Variants in LARP1B observed in about 807,000 individuals in gnomAD.
The protein encoded by LARP1B is la-related protein 1B.
LARP1B carries 76 observed loss-of-function variants against 114.2 expected under a neutral mutation model. The observed-to-expected ratio is 0.67, with a 90% CI of 0.55 to 0.81. The LOEUF is 0.81. LARP1B is among the 30% of genes least tolerant of loss of function. The pLI is 0.00. For missense variants in LARP1B, 1,014 were observed against 1,075.8 expected, an observed-to-expected ratio of 0.94 and a Z score of 0.80; for synonymous variants, 345 against 348.0, an observed-to-expected ratio of 0.99 and a Z score of 0.10.
chr4:128,083,231 C>T (rs1467141874), intron 5 of LARP1B, among the ~76,000 whole-genome samples: 5 of 152,176 alleles, frequency 3.3e-5, no homozygotes, highest in Admixed American at 6.5e-5. Context: ...CACACAGACA[C>T]GGCAACCATC....
chr4:128,068,960 A>C, intron 1 of LARP1B: 1 of 600,256 alleles, frequency 1.7e-6, no homozygotes, highest in Non-Finnish European at 2.9e-6. Flanking sequence ...CTGTAAGCAG[A>C]CATGATTGTC....
chr4:128,147,261 C>T (rs967919236), intron 11 of LARP1B, among the ~76,000 whole-genome samples: 42 of 152,162 alleles, frequency 2.8e-4, no homozygotes, highest in Admixed American at 5.9e-4. Flanking sequence ...CTTTCTTGCC[C>T]TTTTTCTAAG....
chr4:128,064,010 G>A (rs1302582272), intron 1 of LARP1B, among the ~76,000 whole-genome samples: 4 of 152,012 alleles, frequency 2.6e-5, no homozygotes, highest in African/African-American at 7.2e-5. Context: ...GGTGGCACAC[G>A]CCTGTAATCC....
chr4:128,158,435 ATGAT>A (rs1736850504), intron 11 of LARP1B, among the ~76,000 whole-genome samples: 2 of 152,338 alleles, frequency 1.3e-5, no homozygotes, highest in African/African-American at 4.8e-5. Context: ...AATGAAGGAA[ATGAT>A]TGATAAATTG....
At chr4:128,169,603 A>G (rs778331067) in intron 12 of LARP1B, among the ~76,000 whole-genome samples, 2 of 151,838 alleles carry the variant, frequency 1.3e-5, no homozygotes, top group Non-Finnish European at 2.9e-5. Context: ...TTCTCTCTCT[A>G]TCTCTATTTC....
At position 128,162,237 on chromosome 4, in the gene LARP1B, A is replaced by C; in HGVS notation, c.1568A>C (p.Glu523Ala). The C allele has an allele frequency of 6.2e-7, 1 of 1,612,800 alleles. No homozygotes were observed. The highest frequency in any genetic ancestry group is 8.5e-7 in the Non-Finnish European group (1 of 1,179,018). The change falls in exon 12 of 20, where the codon GAG (glutamate) becomes GCG (alanine). Residue 523 changes from glutamate to alanine, a missense_variant. Glu to Ala is a moderately radical substitution (Grantham distance 107). Coordinates refer to ENST00000326639, the MANE Select transcript of LARP1B (RefSeq NM_018078.4). ...AAGAAGCTAAATCTCATTAGTAAAG[A>C]GCAGTTTGAAAACCTAACACCTGAA... ...NFKKLNLISK[E>A]QFENLTPELP...
At chr4:128,195,452 T>C (rs1753765951) in intron 15 of LARP1B, among the ~76,000 whole-genome samples, 1 of 152,180 alleles carries the variant, frequency 6.6e-6, no homozygotes, top group Non-Finnish European at 1.5e-5. Context: ...GCCAGTAAGG[T>C]ATATTTATTC....
chr4:128,115,019 C>T (rs919241286), intron 10 of LARP1B, among the ~76,000 whole-genome samples: 1 of 151,970 alleles, frequency 6.6e-6, no homozygotes, highest in Non-Finnish European at 1.5e-5. Context: ...CTCACTGCCA[C>T]CTCTGCCTCC....
downstream of LARP1B, among the ~76,000 whole-genome samples, chr4:128,212,866 ATCTT>A (rs1303255914): frequency 1.3e-5 from 2 of 150,888 alleles, no homozygotes; most frequent in Non-Finnish European, 2.9e-5. Flanking sequence ...ATTATGATAA[ATCTT>A]TCTCTTTAGA....
chr4:128,083,346 G>A (rs1191718211), intron 5 of LARP1B, among the ~76,000 whole-genome samples: 90 of 152,168 alleles, frequency 5.9e-4, no homozygotes, highest in African/African-American at 2.0e-3. Flanking sequence ...CCTCCCAGAC[G>A]GGGTGGTGGC....
chr4:128,155,142 A>C (rs1734875425), intron 11 of LARP1B, among the ~76,000 whole-genome samples: 1 of 152,176 alleles, frequency 6.6e-6, no homozygotes, highest in Admixed American at 6.5e-5. Flanking sequence ...GCAAGGTATA[A>C]ATTTATTAAA....
intron 15 of LARP1B, among the ~76,000 whole-genome samples, chr4:128,191,762 C>T (rs1752369615): frequency 6.6e-6 from 1 of 151,946 alleles, no homozygotes; most frequent in Non-Finnish European, 1.5e-5. Flanking sequence ...TTTTTTCTCC[C>T]TGCTAGCCCT....
At chr4:128,098,620 T>C (rs1003713356) in intron 8 of LARP1B, among the ~76,000 whole-genome samples, 5 of 150,594 alleles carry the variant, frequency 3.3e-5, no homozygotes, top group African/African-American at 1.2e-4. Context: ...TGAACACCCT[T>C]GGTCCTTAAA....
Position 128,156,175 on chromosome 4 carries a change from C to T in LARP1B, c.1525-6019C>T. ...CAGCGGAGACCCATCCTCTGACCCCCTTGGCTCTCCAACCCTCCTCGCTTT... is the reference window on the plus strand; with the variant it reads ...CAGCGGAGACCCATCCTCTGACCCCTTTGGCTCTCCAACCCTCCTCGCTTT... On this transcript the variant is annotated intron_variant, in intron 11 of 19. Coordinates refer to ENST00000326639, the MANE Select transcript of LARP1B (RefSeq NM_018078.4). 1.9e-6 allele frequency: 3 copies of T among 1,610,008 alleles called. No individual in the cohort carries two copies. The South Asian group carries it at 3.3e-5, about 18-fold the overall frequency.
chr4:128,175,682 G>C (rs1056460342), intron 12 of LARP1B, among the ~76,000 whole-genome samples: 5 of 152,198 alleles, frequency 3.3e-5, no homozygotes, highest in African/African-American at 1.2e-4. Flanking sequence ...GAGTTTTAAA[G>C]TATCATTATG....
intron 17 of LARP1B, among the ~76,000 whole-genome samples, chr4:128,204,807 A>G (rs542600868): frequency 6.6e-6 from 1 of 152,212 alleles, no homozygotes; most frequent in East Asian, 1.9e-4. Flanking sequence ...CTGTATCAAA[A>G]CATGTCATGT....
intron 8 of LARP1B, among the ~76,000 whole-genome samples, chr4:128,100,428 A>C (rs1053575891): frequency 6.6e-6 from 1 of 151,474 alleles, no homozygotes. Flanking sequence ...GCACGCCACC[A>C]AGCCTATCTA....
At chr4:128,193,071 C>T (rs1252928299) in intron 15 of LARP1B, among the ~76,000 whole-genome samples, 4 of 152,158 alleles carry the variant, frequency 2.6e-5, no homozygotes, top group Non-Finnish European at 4.4e-5. Context: ...TGGGCTCAAG[C>T]AATTCTCCTG....
intron 7 of LARP1B, among the ~76,000 whole-genome samples, chr4:128,094,057 T>G (rs1250659127): frequency 4.0e-5 from 6 of 151,620 alleles, no homozygotes; most frequent in African/African-American, 1.5e-4. Context: ...GCAGTCTACT[T>G]TTTTTTAACT....
Sources: allele counts gnomAD v4.1 joint callset (sites outside exome capture counted in the v4.1 genomes callset), GRCh38; gene constraint gnomAD v4.1.1; transcripts MANE v1.5; gene names NCBI Gene and HGNC (gene_info 2026-07-23, HGNC 2026-07-21).